TASP1: variants seen among roughly 807,000 people sequenced by gnomAD.
The protein encoded by TASP1 is threonine aspartase 1.
Under a neutral mutation model 56.6 loss-of-function variants are expected in TASP1, and 16 were observed. That is an observed-to-expected ratio of 0.28 (90% confidence interval 0.19 to 0.43). The LOEUF (loss-of-function observed/expected upper bound fraction) is 0.43, where lower values mean the gene tolerates loss of function less well. TASP1 is among the 20% of genes least tolerant of loss of function. TASP1 has a pLI of 1.00. For synonymous variants in TASP1, 179 were observed against 184.2 expected (o/e 0.97, Z 0.23); for missense variants, 393 against 511.6 (o/e 0.77, Z 2.24).
chr20:13,312,106 T>C, the TASP1 span, among the ~76,000 whole-genome samples: 45 of 152,334 alleles, frequency 3.0e-4, no homozygotes, highest in Non-Finnish European at 5.9e-4. Flanking sequence ...TCTTAAAGTG[T>C]TGATACGAGT....
At chr20:13,181,509 C>A in the TASP1 span, among the ~76,000 whole-genome samples, 1 of 152,184 alleles carries the variant, frequency 6.6e-6, no homozygotes. Context: ...ATAGGAGTCA[C>A]GAGAGCTTGC....
chr20:13,451,253 T>A (rs2043606223), intron 11 of TASP1, among the ~76,000 whole-genome samples: 3 of 152,228 alleles, frequency 2.0e-5, no homozygotes, highest in South Asian at 2.1e-4. Flanking sequence ...ATTTTTTGAA[T>A]GATAAATAAG....
chr20:13,130,355 A>G, the TASP1 span, among the ~76,000 whole-genome samples: 3 of 152,254 alleles, frequency 2.0e-5, no homozygotes, highest in South Asian at 6.2e-4. Flanking sequence ...TCTTCAGCCC[A>G]CTCCACTACA....
At chr20:13,176,345 A>G in the TASP1 span, among the ~76,000 whole-genome samples, 1 of 152,186 alleles carries the variant, frequency 6.6e-6, no homozygotes, top group African/African-American at 2.4e-5. Flanking sequence ...GTAAGATGTT[A>G]GCTGGATTTG....
chr20:13,319,418 T>C, the TASP1 span, among the ~76,000 whole-genome samples: 22 of 152,224 alleles, frequency 1.4e-4, no homozygotes, highest in South Asian at 2.1e-4. Context: ...CTGAGTCACA[T>C]TGCATCTGAG....
At chr20:13,572,871 T>C (rs1170019288) in intron 6 of TASP1, among the ~76,000 whole-genome samples, 5 of 152,094 alleles carry the variant, frequency 3.3e-5, no homozygotes, top group Non-Finnish European at 7.4e-5. Flanking sequence ...GAATCATGAC[T>C]ATAATCAGTC....
intron 11 of TASP1, among the ~76,000 whole-genome samples, chr20:13,474,566 T>G: frequency 6.6e-6 from 1 of 152,244 alleles, no homozygotes; most frequent in East Asian, 1.9e-4. Context: ...TCCATATGTT[T>G]GCAATTATAA....
chr20:13,350,688 A>T, the TASP1 span, among the ~76,000 whole-genome samples: 1 of 151,976 alleles, frequency 6.6e-6, no homozygotes, highest in East Asian at 1.9e-4. Context: ...TTTTATTTTT[A>T]TATATATATA....
chr20:13,151,859 A>C, the TASP1 span, among the ~76,000 whole-genome samples: 3 of 152,052 alleles, frequency 2.0e-5, no homozygotes, highest in Non-Finnish European at 4.4e-5. Context: ...CAGGACCTCT[A>C]CCTAAAGTGA....
chr20:13,617,483 C>T (rs923541473), intron 4 of TASP1, among the ~76,000 whole-genome samples: 1 of 152,082 alleles, frequency 6.6e-6, no homozygotes, highest in Non-Finnish European at 1.5e-5. Flanking sequence ...TCACCAGCCA[C>T]ATCATAGTTA....
At chr20:13,319,914 T>C in the TASP1 span, among the ~76,000 whole-genome samples, 2 of 152,140 alleles carry the variant, frequency 1.3e-5, no homozygotes, top group African/African-American at 2.4e-5. Context: ...AGGGCTCTTC[T>C]GGGAAACAGG....
chr20:13,205,165 G>C, the TASP1 span, among the ~76,000 whole-genome samples: 1 of 152,006 alleles, frequency 6.6e-6, no homozygotes, highest in Non-Finnish European at 1.5e-5. Flanking sequence ...CTCTCCATAG[G>C]GATCTGACCC....
the TASP1 span, among the ~76,000 whole-genome samples, chr20:13,170,463 A>T: frequency 6.6e-6 from 1 of 152,176 alleles, no homozygotes; most frequent in Non-Finnish European, 1.5e-5. Flanking sequence ...TTTTCATTGC[A>T]TCCTGTGGTC....
the TASP1 span, among the ~76,000 whole-genome samples, chr20:13,277,800 G>C: frequency 6.6e-6 from 1 of 152,150 alleles, no homozygotes; most frequent in East Asian, 1.9e-4. Flanking sequence ...GGTGCACTTG[G>C]CCTGCTGCAG....
intron 10 of TASP1, among the ~76,000 whole-genome samples, chr20:13,483,606 G>A (rs1164427651): frequency 1.3e-5 from 2 of 152,076 alleles, no homozygotes; most frequent in African/African-American, 4.8e-5. Context: ...TGTGTTGACT[G>A]GTGTTAGGCA....
intron 10 of TASP1, among the ~76,000 whole-genome samples, chr20:13,487,812 C>T (rs1362722670): frequency 6.6e-6 from 1 of 152,022 alleles, no homozygotes; most frequent in Non-Finnish European, 1.5e-5. Flanking sequence ...TTGTAAAAGG[C>T]CAAATAGTAA....
the TASP1 span, among the ~76,000 whole-genome samples, chr20:13,142,014 C>T: frequency 6.6e-6 from 1 of 152,220 alleles, no homozygotes; most frequent in Non-Finnish European, 1.5e-5. Context: ...ACAAACTGAA[C>T]TCTAGTTAAG....
At chr20:13,133,943 T>A in the TASP1 span, among the ~76,000 whole-genome samples, 1 of 152,206 alleles carries the variant, frequency 6.6e-6, no homozygotes, top group African/African-American at 2.4e-5. Context: ...ATCCCCTGTA[T>A]GACAAGCATC....
chr20:13,164,227 T>C, the TASP1 span: 2 of 402,648 alleles, frequency 5.0e-6, no homozygotes, highest in Middle Eastern at 3.7e-4. Context: ...TCTCAGTCCC[T>C]GTGAGTTAAG....
Sources: gnomAD v4.1 joint callset for allele counts (sites outside exome capture counted in the v4.1 genomes callset) on GRCh38, gnomAD v4.1.1 for gene constraint, MANE v1.5 for transcripts, NCBI Gene and HGNC (gene_info 2026-07-23, HGNC 2026-07-21) for gene names.